Variants in GNA14 observed in about 807,000 individuals in gnomAD.
GNA14 encodes guanine nucleotide-binding protein subunit alpha-14.
A neutral mutation model predicts 42.0 loss-of-function variants in GNA14; 50 were observed. The observed-to-expected ratio is 1.19, with a 90% CI of 0.95 to 1.51. The LOEUF (loss-of-function observed/expected upper bound fraction) is 1.51, where lower values mean the gene tolerates loss of function less well. GNA14 is among the 40% of genes most tolerant of loss of function. The pLI is 0.00. For missense variants in GNA14, 473 were observed against 446.2 expected (o/e 1.06, Z -0.54); for synonymous variants, 173 against 163.1 (o/e 1.06, Z -0.46).
At chr9:77,519,125 C>G (rs1426208230) in intron 2 of GNA14, among the ~76,000 whole-genome samples, 2 of 152,090 alleles carry the variant, frequency 1.3e-5, no homozygotes, top group African/African-American at 4.8e-5. Context: ...AAAACAAAAA[C>G]AGAGGCCGGA....
intron 4 of GNA14, among the ~76,000 whole-genome samples, chr9:77,430,912 C>T (rs1036415884): frequency 4.0e-5 from 6 of 151,838 alleles, no homozygotes; most frequent in Non-Finnish European, 2.9e-5. Context: ...CCTTAATTTT[C>T]TAAGGATAAA....
At chr9:77,463,423 G>A (rs1165430530) in intron 2 of GNA14, among the ~76,000 whole-genome samples, 1 of 152,198 alleles carries the variant, frequency 6.6e-6, no homozygotes, top group Non-Finnish European at 1.5e-5. Context: ...TGTATTATAT[G>A]TGGACCAGTC....
intron 2 of GNA14, among the ~76,000 whole-genome samples, chr9:77,470,016 A>G (rs1207826397): frequency 6.6e-6 from 1 of 152,240 alleles, no homozygotes; most frequent in African/African-American, 2.4e-5. Context: ...GCTTGGACTC[A>G]TAGTGACATC....
intron 5 of GNA14, among the ~76,000 whole-genome samples, chr9:77,426,134 A>ACTGGGCCTCAGCAGTCAAGTGACAAGG: frequency 6.6e-6 from 1 of 152,144 alleles, no homozygotes. Flanking sequence ...GGGCTTCCAG[A>ACTGGGCCTCAGCAGTCAAGTGACAAGG]CTGGGCCTCA....
At chr9:77,591,954 A>T (rs1237362773) in intron 1 of GNA14, among the ~76,000 whole-genome samples, 1 of 144,672 alleles carries the variant, frequency 6.9e-6, no homozygotes, top group Non-Finnish European at 1.5e-5. Context: ...TCGCTCTGTC[A>T]CCTAGGCTGG....
intron 2 of GNA14, among the ~76,000 whole-genome samples, chr9:77,508,887 G>T (rs913265438): frequency 6.6e-6 from 1 of 152,144 alleles, no homozygotes; most frequent in Non-Finnish European, 1.5e-5. Flanking sequence ...ATAATTTCTG[G>T]TAACATACTA....
At chr9:77,549,021 C>T (rs1457021593) in intron 1 of GNA14, among the ~76,000 whole-genome samples, 1 of 151,968 alleles carries the variant, frequency 6.6e-6, no homozygotes, top group Non-Finnish European at 1.5e-5. Context: ...CCCACTGCAA[C>T]CTCCGTCTCC....
At chr9:77,438,232 C>T (rs1295285260) in intron 2 of GNA14, among the ~76,000 whole-genome samples, 2 of 151,804 alleles carry the variant, frequency 1.3e-5, no homozygotes, top group Non-Finnish European at 1.5e-5. Context: ...ACTTCAAGTT[C>T]GGAGGTCACT....
chr9:77,425,661 A>C lies in GNA14; in HGVS notation c.778T>G (p.Phe260Val), dbSNP rs1175533318. The change falls in exon 6 of 7, where the codon TTT (phenylalanine) becomes GTT (valine). Residue 260 changes from phenylalanine to valine, a missense_variant. Transcript: ENST00000341700. Reference protein sequence around the residue: ...LFKTIITYPWFLNSSVILFLN... With the variant: ...LFKTIITYPWVLNSSVILFLN... ...AATAAAATCACAGACGAATTCAGAA[A>C]CCAGGGGTAGGTGATGATGGTTTTA... is the stretch of plus-strand genomic sequence containing the variant. 1 of 1,610,562 alleles carries C rather than the reference A, an allele frequency of 6.2e-7. No homozygotes were observed. The highest frequency in any genetic ancestry group is 1.7e-5 in the Admixed American group (1 of 59,998).
intron 1 of GNA14, among the ~76,000 whole-genome samples, chr9:77,622,966 G>C (rs1823952577): frequency 6.7e-6 from 1 of 150,040 alleles, no homozygotes; most frequent in Non-Finnish European, 1.5e-5. Context: ...TGTAATCCCA[G>C]CACTTTGGGA....
intron 1 of GNA14, among the ~76,000 whole-genome samples, chr9:77,644,437 C>CCAAAAAAAAAA (rs778013639): frequency 5.0e-4 from 17 of 34,012 alleles, no homozygotes; most frequent in African/African-American, 1.5e-3. Flanking sequence ...TAAAGAGTGT[C>CCAAAAAAAAAA]AAAAAAAAAA....
intron 2 of GNA14, among the ~76,000 whole-genome samples, chr9:77,438,630 G>A (rs1835678203): frequency 6.6e-6 from 1 of 152,082 alleles, no homozygotes; most frequent in Non-Finnish European, 1.5e-5. Flanking sequence ...AAGATGTGGG[G>A]AAAATGGTAC....
At chr9:77,533,094 G>A (rs1489619939) in intron 1 of GNA14, among the ~76,000 whole-genome samples, 3 of 128,178 alleles carry the variant, frequency 2.3e-5, no homozygotes, top group Non-Finnish European at 5.0e-5. Context: ...TAGGGGAAAC[G>A]GCTCTTCTCC....
At chr9:77,528,989 G>C (rs1837484578) in intron 2 of GNA14, 80 bp downstream of exon 2, 3 of 1,208,442 alleles carry the variant, frequency 2.5e-6, no homozygotes, top group African/African-American at 3.0e-5. Flanking sequence ...TCTGACCAAA[G>C]CACTGAGGGA....
rs143068082 is a variant in GNA14, at chr9:77,454,810, C to T, written c.310-20288G>A. On this transcript the variant is annotated intron_variant, in intron 2 of 6. Coordinates refer to ENST00000341700, the MANE Select transcript of GNA14 (RefSeq NM_004297.4). ...TTCTAATGCGAACAGTCAGGGTCAACGAAAAAAGTTGTTTTGCTTTTAATG... is the reference window on the plus strand; with the variant it reads ...TTCTAATGCGAACAGTCAGGGTCAATGAAAAAAGTTGTTTTGCTTTTAATG... Among the ~76,000 whole-genome samples, 958 of 152,106 alleles carry T rather than the reference C, an allele frequency of 6.3e-3. 12 individuals carry two copies. Among genetic ancestry groups the T allele is most frequent in the African/African-American group, 0.021 (892 of 41,494 alleles).
At chr9:77,578,807 T>C (rs1010050642) in intron 1 of GNA14, among the ~76,000 whole-genome samples, 3 of 152,272 alleles carry the variant, frequency 2.0e-5, no homozygotes, top group African/African-American at 2.4e-5. Context: ...GAGGATTCAT[T>C]ACTGGAAAAG....
intron 1 of GNA14, among the ~76,000 whole-genome samples, chr9:77,590,986 T>C (rs1300526217): frequency 6.6e-6 from 1 of 152,182 alleles, no homozygotes; most frequent in African/African-American, 2.4e-5. Context: ...TTCCACGTTC[T>C]TCTATAGGAA....
At chr9:77,514,378 T>C (rs1837215947) in intron 2 of GNA14, among the ~76,000 whole-genome samples, 1 of 152,098 alleles carries the variant, frequency 6.6e-6, no homozygotes. Context: ...TCACACAGCG[T>C]CTTAATATCA....
chr9:77,493,016 AAAAAAAAAAAATATATAT>A (rs1564030811), intron 2 of GNA14, among the ~76,000 whole-genome samples: 2 of 91,624 alleles, frequency 2.2e-5, no homozygotes, highest in African/African-American at 9.4e-5. Context: ...AAAAAAAAAA[AAAAAAAAAAAATATATAT>A]ATATATATAT....
Sources: gnomAD v4.1 joint callset for allele counts (sites outside exome capture counted in the v4.1 genomes callset) on GRCh38, gnomAD v4.1.1 for gene constraint, MANE v1.5 for transcripts, NCBI Gene and HGNC (gene_info 2026-07-23, HGNC 2026-07-21) for gene names.